The following SYT6 variants were observed in gnomAD, a reference collection of about 807,000 sequenced individuals.
The protein encoded by SYT6 is synaptotagmin-6.
SYT6 carries 24 observed loss-of-function variants against 38.4 expected under a neutral mutation model. The observed-to-expected ratio is 0.62, with a 90% CI of 0.45 to 0.88. The LOEUF is 0.88. SYT6 is among the 40% of genes least tolerant of loss of function. SYT6 has a pLI of 0.00. For synonymous variants in SYT6, 265 were observed against 241.9 expected, an observed-to-expected ratio of 1.10 and a Z score of -0.89; for missense variants, 611 against 621.0, an observed-to-expected ratio of 0.98 and a Z score of 0.17.
intron 1 of SYT6, among the ~76,000 whole-genome samples, chr1:114,140,380 G>A (rs562643488): frequency 6.6e-6 from 1 of 152,268 alleles, no homozygotes; most frequent in South Asian, 2.1e-4. Flanking sequence ...TATTAAAGCT[G>A]CTACTATGGC....
At chr1:114,097,088 G>A (rs1236450931) in intron 6 of SYT6, among the ~76,000 whole-genome samples, 1 of 152,178 alleles carries the variant, frequency 6.6e-6, no homozygotes. Flanking sequence ...TATACAGCAA[G>A]TCAGGAGGGG....
rs1195370146 is a variant in SYT6 at position 114,139,936 on chromosome 1, A to G, written c.191T>C (p.Val64Ala). 8 of 1,513,600 alleles carry G rather than the reference A, an allele frequency of 5.3e-6. No homozygotes were observed. The South Asian group carries it at 9.3e-5, about 18-fold the overall frequency. 93.8% of individuals were successfully genotyped at this position (1,513,600 alleles called of 1,614,324 possible). ...CAGGGCCACGCCACACACAATAACT[A>G]CAACTGCGAGGAGGCTGACAGAGGT... is the stretch of plus-strand genomic sequence containing the variant. ...AGTSVSLLAV[V>A]VIVCGVALVA... The change falls in exon 2 of 8, where the codon GTA becomes GCA. Residue 64 changes from valine to alanine, a missense_variant. Val to Ala is a moderately conservative substitution (Grantham distance 64). Transcript: ENST00000610222.
At chr1:114,151,191 C>T (rs1388997186) in intron 1 of SYT6, among the ~76,000 whole-genome samples, 1 of 152,156 alleles carries the variant, frequency 6.6e-6, no homozygotes, top group Non-Finnish European at 1.5e-5. Context: ...CCTAAATTCT[C>T]AAAATCCCAA....
intron 3 of SYT6, among the ~76,000 whole-genome samples, chr1:114,119,602 G>T (rs1166960304): frequency 6.6e-6 from 1 of 152,148 alleles, no homozygotes; most frequent in African/African-American, 2.4e-5. Flanking sequence ...TAAAGAGTGG[G>T]GAGATATGGC....
chr1:114,145,625 C>T (rs965275544), intron 1 of SYT6, among the ~76,000 whole-genome samples: 14 of 150,634 alleles, frequency 9.3e-5, no homozygotes, highest in African/African-American at 2.9e-4. Context: ...CTATATGTGT[C>T]CTTATTCTAC....
chr1:114,129,608 CTTTCTTTCCTTT>C (rs761005419), intron 3 of SYT6, among the ~76,000 whole-genome samples: 5,446 of 75,236 alleles, frequency 0.072, 143 homozygotes, highest in Non-Finnish European at 0.1. Flanking sequence ...TTCTTTCTTT[CTTTCTTTCCTTT>C]CTTTCTTTCT....
At chr1:114,125,142 T>G (rs11102737) in intron 3 of SYT6, among the ~76,000 whole-genome samples, 99,224 of 152,120 alleles carry the variant, frequency 0.65, 32,555 homozygotes, top group East Asian at 0.86. Context: ...ACATAAAATA[T>G]CTCCTAGGGA....
At chr1:114,109,133 T>C (rs1272905960) in intron 3 of SYT6, among the ~76,000 whole-genome samples, 2 of 152,190 alleles carry the variant, frequency 1.3e-5, no homozygotes, top group Non-Finnish European at 1.5e-5. Context: ...GGAAGCCAGA[T>C]ACCTGGAGCT....
At chr1:114,149,520 C>T (rs558359881) in intron 1 of SYT6, among the ~76,000 whole-genome samples, 1 of 152,194 alleles carries the variant, frequency 6.6e-6, no homozygotes, top group East Asian at 1.9e-4. Context: ...ACGGCCGCAC[C>T]AAGCTTTATG....
chr1:114,133,485 G>A (rs978574389), intron 3 of SYT6, among the ~76,000 whole-genome samples: 2 of 152,190 alleles, frequency 1.3e-5, no homozygotes, highest in Non-Finnish European at 2.9e-5. Flanking sequence ...GGCAGAAGAT[G>A]CTAGGAGGGA....
intron 3 of SYT6, among the ~76,000 whole-genome samples, chr1:114,121,906 C>A (rs770923674): frequency 3.9e-5 from 6 of 152,206 alleles, no homozygotes; most frequent in Non-Finnish European, 8.8e-5. Context: ...TTGTATTGCA[C>A]CCTAGTCACA....
intron 1 of SYT6, among the ~76,000 whole-genome samples, chr1:114,151,766 G>A (rs1484305724): frequency 6.6e-6 from 1 of 152,158 alleles, no homozygotes; most frequent in Non-Finnish European, 1.5e-5. Flanking sequence ...CCCTGATAGG[G>A]AAAATTCTGT....
At chr1:114,134,773 G>A (rs550136427) in intron 3 of SYT6, among the ~76,000 whole-genome samples, 30 of 152,306 alleles carry the variant, frequency 2.0e-4, no homozygotes, top group Admixed American at 3.9e-4. Flanking sequence ...GGCAGCTCTG[G>A]GAATGGAATC....
chr1:114,109,531 A>G (rs944928598), intron 3 of SYT6, among the ~76,000 whole-genome samples: 1 of 152,218 alleles, frequency 6.6e-6, no homozygotes, highest in African/African-American at 2.4e-5. Context: ...CAGTGGGATG[A>G]ATATAGGACC....
At chr1:114,103,005 G>A (rs1312062641) in intron 4 of SYT6, among the ~76,000 whole-genome samples, 1 of 152,220 alleles carries the variant, frequency 6.6e-6, no homozygotes, top group Non-Finnish European at 1.5e-5. Flanking sequence ...GCTAGAATAA[G>A]ACTATATTTC....
intron 3 of SYT6, among the ~76,000 whole-genome samples, chr1:114,107,167 G>A (rs1267418269): frequency 6.6e-6 from 1 of 152,190 alleles, no homozygotes; most frequent in East Asian, 1.9e-4. Flanking sequence ...TTTTGGGGGA[G>A]TCTGAGTTGA....
At chr1:114,129,669 CTTT>C in intron 3 of SYT6, among the ~76,000 whole-genome samples, 1 of 105,022 alleles carries the variant, frequency 9.5e-6, no homozygotes, top group Non-Finnish European at 2.0e-5. Context: ...TTCTTTCTTT[CTTT>C]CTTTTTCTTT....
At chr1:114,122,381 T>C (rs925152606) in intron 3 of SYT6, among the ~76,000 whole-genome samples, 1 of 152,146 alleles carries the variant, frequency 6.6e-6, no homozygotes, top group Non-Finnish European at 1.5e-5. Flanking sequence ...ACTGGAGTCC[T>C]CCAGGGGGAG....
chr1:114,110,359 A>G (rs1676602575), intron 3 of SYT6, among the ~76,000 whole-genome samples: 2 of 152,218 alleles, frequency 1.3e-5, no homozygotes, highest in African/African-American at 4.8e-5. Context: ...ACCCAAGGGC[A>G]GCGAGGGAGC....
Sources: gnomAD v4.1 joint callset for allele counts (sites outside exome capture counted in the v4.1 genomes callset) on GRCh38, gnomAD v4.1.1 for gene constraint, MANE v1.5 for transcripts, NCBI Gene and HGNC (gene_info 2026-07-23, HGNC 2026-07-21) for gene names.